PCDH7: variants seen among roughly 807,000 people sequenced by gnomAD.
PCDH7 encodes protocadherin-7.
A neutral mutation model predicts 58.9 loss-of-function variants in PCDH7; 17 were observed. The ratio of observed to expected loss-of-function variants is 0.29; its 90% CI spans 0.20 to 0.43. The LOEUF is 0.43. Ranked by LOEUF, PCDH7 falls within the 20% of genes least tolerant of loss-of-function variation. The pLI, the probability that PCDH7 is intolerant of heterozygous loss-of-function variation, is 1.00. For missense variants in PCDH7, 1,274 were observed against 1,441.0 expected, an observed-to-expected ratio of 0.88 and a Z score of 1.88; for synonymous variants, 664 against 616.4, an observed-to-expected ratio of 1.08 and a Z score of -1.14.
Position 30,933,038 on chromosome 4 carries a change from T to A in PCDH7, c.287+12669T>A, listed in dbSNP as rs901483644. On this transcript the variant is annotated intron_variant, in intron 2 of 3. Coordinates refer to the PCDH7 transcript ENST00000509759. ...GTTTCTTTCTTTCTTTCTTTCTTTT[T>A]TTTTTTTGAGACAGAGTCTTGCTCT... 1.3e-3 allele frequency among the ~76,000 whole-genome samples: 202 copies of A among 151,826 alleles called. 1 individual carries two copies. Among genetic ancestry groups the A allele is most frequent in the Middle Eastern group, 3.4e-3 (1 of 294 alleles).
At chr4:30,760,066 A>T (rs1435808896) in intron 1 of PCDH7, among the ~76,000 whole-genome samples, 1 of 152,208 alleles carries the variant, frequency 6.6e-6, no homozygotes, top group Non-Finnish European at 1.5e-5. Flanking sequence ...GATAAGAAAA[A>T]AAAAAACTTA....
intron 3 of PCDH7, among the ~76,000 whole-genome samples, chr4:31,019,043 G>A (rs1369216253): frequency 2.6e-5 from 4 of 152,116 alleles, no homozygotes; most frequent in African/African-American, 7.2e-5. Flanking sequence ...TCAGAAATAT[G>A]TATCACAGGT....
chr4:31,095,405 C>T (rs1434565880), intron 3 of PCDH7, among the ~76,000 whole-genome samples: 2 of 152,046 alleles, frequency 1.3e-5, no homozygotes, highest in African/African-American at 2.4e-5. Flanking sequence ...TACTGAGAAT[C>T]GACTTACTGA....
At chr4:30,972,330 T>A (rs569249152) in intron 3 of PCDH7, among the ~76,000 whole-genome samples, 2 of 152,182 alleles carry the variant, frequency 1.3e-5, no homozygotes, top group Non-Finnish European at 2.9e-5. Context: ...ATTTTAAAAC[T>A]TTGATTTTTG....
intron 1 of PCDH7, among the ~76,000 whole-genome samples, chr4:30,834,720 C>G (rs1730250481): frequency 6.6e-6 from 1 of 150,752 alleles, no homozygotes; most frequent in Non-Finnish European, 1.5e-5. Flanking sequence ...AAGCAAAAAT[C>G]AGCTTTTTCC....
intron 1 of PCDH7, among the ~76,000 whole-genome samples, chr4:30,744,073 T>C (rs1487068837): frequency 6.6e-6 from 1 of 152,160 alleles, no homozygotes; most frequent in Non-Finnish European, 1.5e-5. Context: ...TGTTGCTCTT[T>C]TCTTTCCTCA....
intron 2 of PCDH7, chr4:30,935,360 G>C: frequency 1.0e-6 from 1 of 980,606 alleles, no homozygotes; most frequent in Non-Finnish European, 1.2e-6. Context: ...TAGTTTCTTG[G>C]CACCTTTTGA....
At chr4:30,820,676 T>C (rs1005976969) in intron 1 of PCDH7, among the ~76,000 whole-genome samples, 2 of 152,078 alleles carry the variant, frequency 1.3e-5, no homozygotes, top group East Asian at 3.9e-4. Flanking sequence ...CATATATAAA[T>C]GATGATCAGA....
At chr4:31,039,002 G>C (rs1755632776) in intron 3 of PCDH7, among the ~76,000 whole-genome samples, 2 of 152,070 alleles carry the variant, frequency 1.3e-5, no homozygotes, top group Non-Finnish European at 2.9e-5. Flanking sequence ...CATATACCAA[G>C]TGCTTAATAT....
rs1729376744 is a variant in PCDH7 at position 30,828,547 on chromosome 4, CTA to C, written c.71-91605_71-91604del. 3.3e-5 allele frequency among the ~76,000 whole-genome samples: 5 copies of C among 151,592 alleles called. 1 individual carries two copies. In the South Asian group the frequency reaches 1.0e-3, roughly 32 times the overall value. ...AGAATGCATGTGTTCATCATGAAAT[CTA>C]ATTAGAGTGATACCAAAAAAAAAAG... On this transcript the variant is annotated intron_variant, in intron 1 of 3. Coordinates refer to the PCDH7 transcript ENST00000509759.
intron 1 of PCDH7, among the ~76,000 whole-genome samples, chr4:30,838,176 A>G (rs1730753132): frequency 6.6e-6 from 1 of 152,080 alleles, no homozygotes; most frequent in Admixed American, 6.6e-5. Flanking sequence ...CATAAATATT[A>G]TAAATTAATG....
intron 3 of PCDH7, among the ~76,000 whole-genome samples, chr4:31,077,582 T>G (rs1418520356): frequency 6.6e-6 from 1 of 152,072 alleles, no homozygotes; most frequent in Non-Finnish European, 1.5e-5. Context: ...AATGTTTAGC[T>G]CCCATTTCTT....
intron 3 of PCDH7, among the ~76,000 whole-genome samples, chr4:31,129,534 T>C (rs1388794616): frequency 6.6e-6 from 1 of 152,186 alleles, no homozygotes; most frequent in Non-Finnish European, 1.5e-5. Context: ...TGATTTATAC[T>C]GAAGTTTATG....
At position 30,800,048 on chromosome 4, in the gene PCDH7, C is replaced by CG. The variant is rs200902373; in HGVS notation, c.70+75455dup. ...TTTTTTTTTTAATTTTTAGTAGAGA[C>CG]GGGATTTCATTATGTTGGGCAGACC... On this transcript the variant is annotated intron_variant, in intron 1 of 3. Transcript: ENST00000509759. Among the ~76,000 whole-genome samples, 499 of 151,498 alleles carry CG rather than the reference C, an allele frequency of 3.3e-3. 3 individuals are homozygous for CG. Among genetic ancestry groups the CG allele is most frequent in the African/African-American group, 0.011 (473 of 41,298 alleles).
At chr4:31,026,768 C>T (rs915279818) in intron 3 of PCDH7, among the ~76,000 whole-genome samples, 67 of 152,104 alleles carry the variant, frequency 4.4e-4, no homozygotes, top group African/African-American at 1.6e-3. Context: ...AAAACCTGCA[C>T]ACACACATAG....
intron 2 of PCDH7, among the ~76,000 whole-genome samples, chr4:30,933,244 C>A (rs1294708063): frequency 6.6e-6 from 1 of 152,068 alleles, no homozygotes; most frequent in African/African-American, 2.4e-5. Flanking sequence ...CCAGGATGGT[C>A]TCGATCCCCT....
intron 1 of PCDH7, among the ~76,000 whole-genome samples, chr4:30,785,293 C>T (rs940594364): frequency 6.6e-6 from 1 of 151,916 alleles, no homozygotes; most frequent in African/African-American, 2.4e-5. Flanking sequence ...ATTTAGCTTT[C>T]ATCTGTGTAT....
At chr4:30,849,837 T>C (rs1732481069) in intron 1 of PCDH7, among the ~76,000 whole-genome samples, 1 of 152,136 alleles carries the variant, frequency 6.6e-6, no homozygotes, top group African/African-American at 2.4e-5. Flanking sequence ...TCTCCCATTC[T>C]CTGTGAGTAG....
intron 3 of PCDH7, among the ~76,000 whole-genome samples, chr4:30,962,819 A>G (rs969586897): frequency 7.4e-5 from 11 of 149,470 alleles, no homozygotes; most frequent in Admixed American, 1.3e-4. Flanking sequence ...TGGTAATTCT[A>G]TATAAGTGAA....
Sources: gnomAD v4.1 joint callset for allele counts (sites outside exome capture counted in the v4.1 genomes callset) on GRCh38, gnomAD v4.1.1 for gene constraint, MANE v1.5 for transcripts, NCBI Gene and HGNC (gene_info 2026-07-23, HGNC 2026-07-21) for gene names.